The following EPHA6 variants were observed in gnomAD, a reference collection of about 807,000 sequenced individuals.
EPHA6 encodes the protein EPH receptor A6, also known as ephrin type-A receptor 6.
EPHA6 carries 50 observed loss-of-function variants against 112.0 expected under a neutral mutation model. That is an observed-to-expected ratio of 0.45 (90% CI 0.36 to 0.56). The LOEUF (loss-of-function observed/expected upper bound fraction) is 0.56. EPHA6 is among the 20% of genes least tolerant of loss of function. The pLI is 0.00. For synonymous variants in EPHA6, 529 were observed against 490.7 expected (o/e 1.08, Z -1.03); for missense variants, 1,280 against 1,417.4 (o/e 0.90, Z 1.56).
chr3:97,461,501 A>G lies in EPHA6; in HGVS notation c.1894+12771A>G, dbSNP rs188842823. 1.3e-4 allele frequency among the ~76,000 whole-genome samples: 20 copies of G among 152,290 alleles called. No individual in the cohort carries two copies. In the East Asian group the frequency reaches 2.9e-3, roughly 22 times the overall value. On this transcript the variant is annotated intron_variant, in intron 7 of 17. Transcript: ENST00000389672. ...CTTAACAACAGAAGAGTATCCAGCT[A>G]TCATGTGGTTAGAGCTCAATAAATG...
intron 1 of EPHA6, among the ~76,000 whole-genome samples, chr3:96,864,864 A>C (rs2036217007): frequency 6.6e-6 from 1 of 152,160 alleles, no homozygotes. Context: ...CATTGCATTA[A>C]GGAATTTTTA....
intron 5 of EPHA6, among the ~76,000 whole-genome samples, chr3:97,278,960 T>C (rs1238047938): frequency 6.6e-6 from 1 of 151,158 alleles, no homozygotes; most frequent in Non-Finnish European, 1.5e-5. Context: ...CACAAGGTAA[T>C]AAGCACAGTA....
At chr3:96,883,321 CT>C (rs1190619522) in intron 2 of EPHA6, among the ~76,000 whole-genome samples, 2 of 152,026 alleles carry the variant, frequency 1.3e-5, no homozygotes, top group Non-Finnish European at 2.9e-5. Flanking sequence ...GATATTAGTC[CT>C]TTGTTAGATG....
At chr3:97,312,561 T>C (rs1483843528) in intron 5 of EPHA6, among the ~76,000 whole-genome samples, 1 of 151,528 alleles carries the variant, frequency 6.6e-6, no homozygotes. Flanking sequence ...TAAAGAAGTC[T>C]GAAATCCAAA....
At chr3:96,859,564 T>C (rs565427385) in intron 1 of EPHA6, among the ~76,000 whole-genome samples, 1 of 152,060 alleles carries the variant, frequency 6.6e-6, no homozygotes, top group South Asian at 2.1e-4. Context: ...ATTTTTTAAT[T>C]TTTAATTTGT....
At chr3:97,608,492 A>G (rs1158128534) in intron 12 of EPHA6, among the ~76,000 whole-genome samples, 1 of 151,360 alleles carries the variant, frequency 6.6e-6, no homozygotes, top group Non-Finnish European at 1.5e-5. Context: ...TTATGGGAAA[A>G]TAAGAAAGAA....
At chr3:97,316,945 T>G (rs2081870570) in intron 5 of EPHA6, among the ~76,000 whole-genome samples, 1 of 151,888 alleles carries the variant, frequency 6.6e-6, no homozygotes, top group Admixed American at 6.6e-5. Flanking sequence ...CCTCAGTTGT[T>G]TCATCTCTGA....
intron 5 of EPHA6, among the ~76,000 whole-genome samples, chr3:97,371,748 G>T (rs1032374425): frequency 3.3e-5 from 5 of 152,078 alleles, no homozygotes; most frequent in African/African-American, 1.2e-4. Flanking sequence ...GAGAAATATT[G>T]CTGAATTCTT....
At chr3:97,034,298 T>C (rs923420039) in intron 3 of EPHA6, among the ~76,000 whole-genome samples, 1 of 151,936 alleles carries the variant, frequency 6.6e-6, no homozygotes, top group Non-Finnish European at 1.5e-5. Context: ...TGACCTCCAA[T>C]GTGATGTTAA....
chr3:97,460,595 C>T (rs2090854410), intron 7 of EPHA6, among the ~76,000 whole-genome samples: 1 of 152,162 alleles, frequency 6.6e-6, no homozygotes, highest in African/African-American at 2.4e-5. Flanking sequence ...GTTCTGCCTG[C>T]TGAAAGCTCA....
intron 5 of EPHA6, among the ~76,000 whole-genome samples, chr3:97,280,040 C>G (rs528186789): frequency 6.6e-6 from 1 of 152,322 alleles, no homozygotes; most frequent in South Asian, 2.1e-4. Context: ...CACCTGCCAC[C>G]AGTCTCATCT....
intron 5 of EPHA6, among the ~76,000 whole-genome samples, chr3:97,351,754 TATATGTC>T (rs2083824875): frequency 6.6e-6 from 1 of 152,152 alleles, no homozygotes; most frequent in Non-Finnish European, 1.5e-5. Context: ...AATGTTAACT[TATATGTC>T]ATAAAAGAAA....
At chr3:97,626,610 A>G (rs1385462799) in intron 13 of EPHA6, among the ~76,000 whole-genome samples, 1 of 151,808 alleles carries the variant, frequency 6.6e-6, no homozygotes, top group African/African-American at 2.4e-5. Context: ...AGAAGTCTTT[A>G]TTGCATAGAT....
intron 5 of EPHA6, among the ~76,000 whole-genome samples, chr3:97,362,867 G>C (rs1206142892): frequency 6.6e-6 from 1 of 151,702 alleles, no homozygotes; most frequent in Non-Finnish European, 1.5e-5. Context: ...TAATAAACTA[G>C]TTAGGAAGTT....
At chr3:97,673,139 A>T (rs1469442318) in intron 14 of EPHA6, among the ~76,000 whole-genome samples, 1 of 152,210 alleles carries the variant, frequency 6.6e-6, no homozygotes, top group African/African-American at 2.4e-5. Flanking sequence ...AATTATCCTC[A>T]CATTACTTTC....
At chr3:97,516,147 ATC>A (rs2092445453) in intron 10 of EPHA6, among the ~76,000 whole-genome samples, 2 of 152,212 alleles carry the variant, frequency 1.3e-5, no homozygotes. Context: ...ATTAATCTGT[ATC>A]TCTCAAGAAG....
intron 3 of EPHA6, among the ~76,000 whole-genome samples, chr3:97,179,603 T>G (rs2076927818): frequency 6.6e-6 from 1 of 152,136 alleles, no homozygotes; most frequent in African/African-American, 2.4e-5. Context: ...ATGCTGTGGT[T>G]CTTACAGACT....
intron 4 of EPHA6, among the ~76,000 whole-genome samples, chr3:97,233,529 A>G (rs1398495038): frequency 6.6e-6 from 1 of 152,104 alleles, no homozygotes; most frequent in African/African-American, 2.4e-5. Flanking sequence ...TTAACCACAA[A>G]CAGTAGCAAT....
intron 3 of EPHA6, among the ~76,000 whole-genome samples, chr3:97,016,039 T>TA (rs2044254426): frequency 7.0e-6 from 1 of 143,124 alleles, no homozygotes. Context: ...TCATTCTTCC[T>TA]GAAAAAAAAA....
Sources: gnomAD v4.1 joint callset for allele counts (sites outside exome capture counted in the v4.1 genomes callset) on GRCh38, gnomAD v4.1.1 for gene constraint, MANE v1.5 for transcripts, NCBI Gene and HGNC (gene_info 2026-07-23, HGNC 2026-07-21) for gene names.